Variants in SHISA9 observed in about 807,000 individuals in gnomAD.
SHISA9 encodes the protein protein shisa-9.
A neutral mutation model predicts 38.0 loss-of-function variants in SHISA9; 13 were observed. The observed-to-expected ratio is 0.34, with a 90% CI of 0.22 to 0.54. The LOEUF (loss-of-function observed/expected upper bound fraction) is 0.54. SHISA9 is among the 20% of genes least tolerant of loss of function. SHISA9 has a pLI of 0.91. For missense variants in SHISA9, 538 were observed against 575.8 expected (o/e 0.93, Z 0.67); for synonymous variants, 275 against 242.0 (o/e 1.14, Z -1.27).
chr16:13,430,221 T>C, the SHISA9 span, among the ~76,000 whole-genome samples: 1 of 152,218 alleles, frequency 6.6e-6, no homozygotes, highest in Admixed American at 6.5e-5. Flanking sequence ...TGTGATACTT[T>C]CTTAAGGCAG....
At chr16:13,067,278 G>A (rs1237385872) in intron 2 of SHISA9, among the ~76,000 whole-genome samples, 1 of 152,204 alleles carries the variant, frequency 6.6e-6, no homozygotes, top group Non-Finnish European at 1.5e-5. Flanking sequence ...AGAGATTGAT[G>A]AACCTAGAAG....
chr16:13,151,712 A>T (rs2050501198), intron 2 of SHISA9, among the ~76,000 whole-genome samples: 1 of 152,250 alleles, frequency 6.6e-6, no homozygotes, highest in Admixed American at 6.5e-5. Flanking sequence ...CACTTCTCTC[A>T]TTCAGAAAAA....
At chr16:13,561,701 G>A in the SHISA9 span, among the ~76,000 whole-genome samples, 1 of 152,238 alleles carries the variant, frequency 6.6e-6, no homozygotes, top group Non-Finnish European at 1.5e-5. Context: ...GGTCAAGGTA[G>A]TGACCTGTGT....
chr16:13,031,455 A>G (rs1463005046), intron 2 of SHISA9, among the ~76,000 whole-genome samples: 1 of 152,222 alleles, frequency 6.6e-6, no homozygotes, highest in Non-Finnish European at 1.5e-5. Flanking sequence ...TACAGGCACC[A>G]ACCAGTAACT....
the SHISA9 span, among the ~76,000 whole-genome samples, chr16:13,352,699 A>AGGGAGGGGGG: frequency 1.5e-4 from 1 of 6,704 alleles, no homozygotes; most frequent in African/African-American, 3.4e-4. Context: ...AAGGGAGATA[A>AGGGAGGGGGG]GGGGGGGGGG....
chr16:13,080,006 G>A (rs1268129261), intron 2 of SHISA9, among the ~76,000 whole-genome samples: 1 of 152,142 alleles, frequency 6.6e-6, no homozygotes, highest in Admixed American at 6.5e-5. Flanking sequence ...TTTGAGAAGG[G>A]AAGGCCGGGG....
chr16:13,136,630 C>T (rs180836140), intron 2 of SHISA9, among the ~76,000 whole-genome samples: 7 of 152,198 alleles, frequency 4.6e-5, no homozygotes, highest in Admixed American at 3.9e-4. Context: ...AAACTCCTGA[C>T]CTCAGGTGAT....
the SHISA9 span, among the ~76,000 whole-genome samples, chr16:13,486,465 T>G: frequency 6.6e-6 from 1 of 152,232 alleles, no homozygotes; most frequent in African/African-American, 2.4e-5. Flanking sequence ...AGCATCCAGG[T>G]GGCAGACTGA....
At chr16:13,312,340 G>A in the SHISA9 span, among the ~76,000 whole-genome samples, 1 of 152,100 alleles carries the variant, frequency 6.6e-6, no homozygotes, top group Non-Finnish European at 1.5e-5. Context: ...TAACCCTTCT[G>A]GCATCACTCT....
At chr16:13,557,193 A>T in the SHISA9 span, among the ~76,000 whole-genome samples, 1 of 152,234 alleles carries the variant, frequency 6.6e-6, no homozygotes, top group Non-Finnish European at 1.5e-5. Flanking sequence ...TCCCCTAAGG[A>T]GGTAGAAACA....
At chr16:12,988,743 T>C (rs569929930) in intron 2 of SHISA9, among the ~76,000 whole-genome samples, 1 of 152,230 alleles carries the variant, frequency 6.6e-6, no homozygotes, top group African/African-American at 2.4e-5. Flanking sequence ...CAGGCTGATC[T>C]CGAACCCCTG....
chr16:13,225,540 C>T (rs891981455), intron 4 of SHISA9, among the ~76,000 whole-genome samples: 2 of 152,100 alleles, frequency 1.3e-5, no homozygotes, highest in Admixed American at 6.5e-5. Flanking sequence ...AGGCAGAAAC[C>T]GATGAGGAAA....
the SHISA9 span, among the ~76,000 whole-genome samples, chr16:13,301,718 C>T: frequency 6.6e-6 from 1 of 152,074 alleles, no homozygotes; most frequent in Admixed American, 6.5e-5. Context: ...TGTAATGATT[C>T]TGTGAATGCA....
chr16:13,396,904 A>G, the SHISA9 span, among the ~76,000 whole-genome samples: 1 of 152,116 alleles, frequency 6.6e-6, no homozygotes, highest in South Asian at 2.1e-4. Context: ...CTTGAACAGC[A>G]TGAGTTTAAA....
At chr16:13,189,292 G>C (rs1167515025) in intron 2 of SHISA9, among the ~76,000 whole-genome samples, 1 of 152,200 alleles carries the variant, frequency 6.6e-6, no homozygotes, top group Non-Finnish European at 1.5e-5. Context: ...AGATGCTCAA[G>C]GCAGAAGGAA....
At chr16:13,347,308 G>T in the SHISA9 span, among the ~76,000 whole-genome samples, 2 of 152,110 alleles carry the variant, frequency 1.3e-5, no homozygotes, top group Non-Finnish European at 2.9e-5. Context: ...GGATCCTGGG[G>T]TCATAGCCTC....
intron 1 of SHISA9, chr16:12,908,506 G>T (rs1183603418): frequency 6.4e-7 from 1 of 1,552,188 alleles, no homozygotes; most frequent in East Asian, 2.4e-5. Flanking sequence ...TGTTTATGGA[G>T]GCACAGATTT....
chr16:12,942,368 C>T (rs1258372063), intron 2 of SHISA9, among the ~76,000 whole-genome samples: 2 of 152,200 alleles, frequency 1.3e-5, no homozygotes, highest in African/African-American at 4.8e-5. Context: ...AACACTGACA[C>T]TTGCAGAGAG....
the SHISA9 span, among the ~76,000 whole-genome samples, chr16:13,286,446 T>C: frequency 6.6e-6 from 1 of 152,206 alleles, no homozygotes; most frequent in Non-Finnish European, 1.5e-5. Context: ...TGTCATTAAA[T>C]TTATTCACAC....
Sources: gnomAD v4.1 joint callset for allele counts (sites outside exome capture counted in the v4.1 genomes callset) on GRCh38, gnomAD v4.1.1 for gene constraint, MANE v1.5 for transcripts, NCBI Gene and HGNC (gene_info 2026-07-23, HGNC 2026-07-21) for gene names.